Variants in TNIK observed in about 807,000 individuals in gnomAD.
TNIK encodes the protein TRAF2 and NCK-interacting protein kinase.
TNIK carries 49 observed loss-of-function variants against 191.3 expected under a neutral mutation model. The ratio of observed to expected loss-of-function variants is 0.26; its 90% CI spans 0.20 to 0.32. The LOEUF is 0.32. Among genes scored for constraint, TNIK ranks in the 10% least tolerant of loss-of-function variants. The probability of loss-of-function intolerance (pLI) is 1.00; values close to 1 mark genes in which losing one functional copy is unlikely to be tolerated. For missense variants in TNIK, 1,155 were observed against 1,702.3 expected, an observed-to-expected ratio of 0.68 and a Z score of 5.66; for synonymous variants, 594 against 600.9, an observed-to-expected ratio of 0.99 and a Z score of 0.17.
At chr3:171,080,207 TG>T (rs1206358890) in intron 27 of TNIK, among the ~76,000 whole-genome samples, 11 of 152,310 alleles carry the variant, frequency 7.2e-5, no homozygotes, top group African/African-American at 2.4e-4. Flanking sequence ...AATTTCCGTT[TG>T]GTAAAGTGAT....
intron 2 of TNIK, among the ~76,000 whole-genome samples, chr3:171,283,303 A>AACT (rs1433044933): frequency 2.6e-5 from 4 of 151,994 alleles, no homozygotes; most frequent in African/African-American, 9.7e-5. Context: ...ACAAAAATAG[A>AACT]ACTACTCTTT....
At chr3:171,441,039 C>T (rs989700920) in intron 1 of TNIK, among the ~76,000 whole-genome samples, 7 of 152,058 alleles carry the variant, frequency 4.6e-5, no homozygotes, top group African/African-American at 1.2e-4. Context: ...CACGAAAATA[C>T]GTAGAAAGCA....
chr3:171,213,533 G>A (rs1046908525), intron 3 of TNIK, among the ~76,000 whole-genome samples: 2 of 152,034 alleles, frequency 1.3e-5, no homozygotes, highest in Admixed American at 6.6e-5. Context: ...AGGGGAGGGG[G>A]GGACTGCCTA....
chr3:171,082,372 A>T lies in TNIK; in HGVS notation c.3192T>A (p.Thr1064=). The T allele has an allele frequency of 1.9e-6, 3 of 1,613,878 alleles. No individual in the cohort carries two copies. Among genetic ancestry groups the T allele is most frequent in the Non-Finnish European group, 2.5e-6 (3 of 1,179,808 alleles). The change falls in exon 27 of 33, where the codon ACT becomes ACA. Residue 1064 remains threonine, a synonymous_variant. Transcript: ENST00000436636. The part of the protein sequence containing the change: ...ALWGVNLLVG[T]ENGLMLLDRS... ...GGTCCAAAAGCATCAGGCCATTTTCAGTCCCCACCAGAAGGTTTACACCTG... is the reference window on the plus strand; with the variant it reads ...GGTCCAAAAGCATCAGGCCATTTTCTGTCCCCACCAGAAGGTTTACACCTG...
At chr3:171,247,547 G>GGGAC (rs1394487337) in intron 2 of TNIK, among the ~76,000 whole-genome samples, 2 of 152,206 alleles carry the variant, frequency 1.3e-5, no homozygotes, top group Non-Finnish European at 2.9e-5. Context: ...GGGCCGGGTA[G>GGGAC]ACATCCAGAC....
At chr3:171,230,307 T>C (rs1346230139) in intron 2 of TNIK, among the ~76,000 whole-genome samples, 1 of 152,200 alleles carries the variant, frequency 6.6e-6, no homozygotes, top group East Asian at 1.9e-4. Context: ...CAGTGGACTT[T>C]AAAGTAATGG....
At chr3:171,409,533 G>A (rs945489656) in intron 1 of TNIK, among the ~76,000 whole-genome samples, 3 of 151,744 alleles carry the variant, frequency 2.0e-5, no homozygotes, top group Non-Finnish European at 4.4e-5. Context: ...ACACTACAGG[G>A]GTATATGGTC....
chr3:171,323,857 G>A (rs1205117979), intron 2 of TNIK, among the ~76,000 whole-genome samples: 1 of 152,002 alleles, frequency 6.6e-6, no homozygotes, highest in African/African-American at 2.4e-5. Context: ...TGATTAAGAT[G>A]GTATCTCCTT....
intron 2 of TNIK, among the ~76,000 whole-genome samples, chr3:171,310,460 T>C (rs1360032594): frequency 1.7e-4 from 26 of 152,144 alleles, no homozygotes; most frequent in Non-Finnish European, 2.2e-4. Context: ...CCAAATCAAT[T>C]AATGAATGTA....
At chr3:171,414,187 G>A (rs80205067) in intron 1 of TNIK, among the ~76,000 whole-genome samples, 3,063 of 152,198 alleles carry the variant, frequency 0.02, 106 homozygotes, top group African/African-American at 0.069. Flanking sequence ...AGCCAGCATC[G>A]AAACTCAAGA....
At chr3:171,399,306 A>T (rs534773903) in intron 1 of TNIK, among the ~76,000 whole-genome samples, 1 of 152,316 alleles carries the variant, frequency 6.6e-6, no homozygotes, top group Non-Finnish European at 1.5e-5. Context: ...GCTCAAGTAG[A>T]TGCAAACAGG....
intron 2 of TNIK, among the ~76,000 whole-genome samples, chr3:171,342,241 G>T (rs986738411): frequency 6.6e-6 from 1 of 152,180 alleles, no homozygotes; most frequent in South Asian, 2.1e-4. Context: ...AATTCTTCAG[G>T]TCTAAAGTGG....
At chr3:171,416,387 C>T (rs1440226303) in intron 1 of TNIK, among the ~76,000 whole-genome samples, 2 of 151,936 alleles carry the variant, frequency 1.3e-5, no homozygotes, top group African/African-American at 4.8e-5. Context: ...GACAACTGGA[C>T]AGGTCTCTTC....
intron 1 of TNIK, among the ~76,000 whole-genome samples, chr3:171,443,634 T>C (rs1046261243): frequency 6.6e-6 from 1 of 151,194 alleles, no homozygotes; most frequent in South Asian, 2.1e-4. Context: ...CTGGGCAACA[T>C]AGGGAGACCC....
intron 2 of TNIK, among the ~76,000 whole-genome samples, chr3:171,356,707 G>A (rs185617136): frequency 6.9e-4 from 105 of 152,292 alleles, no homozygotes; most frequent in African/African-American, 2.4e-3. Context: ...GACTCGATCA[G>A]GAGTCATGCT....
At chr3:171,387,955 G>A (rs1025272175) in intron 1 of TNIK, among the ~76,000 whole-genome samples, 1 of 146,674 alleles carries the variant, frequency 6.8e-6, no homozygotes, top group South Asian at 2.2e-4. Context: ...TGTACTATCA[G>A]AAAAATATAG....
At chr3:171,272,169 A>G (rs1461036397) in intron 2 of TNIK, among the ~76,000 whole-genome samples, 1 of 152,202 alleles carries the variant, frequency 6.6e-6, no homozygotes, top group Non-Finnish European at 1.5e-5. Context: ...CACATGCATC[A>G]CTTACAGACT....
chr3:171,324,870 G>A (rs1473194992), intron 2 of TNIK, among the ~76,000 whole-genome samples: 3 of 152,064 alleles, frequency 2.0e-5, no homozygotes, highest in Non-Finnish European at 4.4e-5. Flanking sequence ...AGGCCAAGGC[G>A]GGCGGATCAC....
chr3:171,392,967 T>C (rs541229226), intron 1 of TNIK, among the ~76,000 whole-genome samples: 4 of 152,044 alleles, frequency 2.6e-5, no homozygotes, highest in Admixed American at 6.5e-5. Flanking sequence ...TTCTGTCACA[T>C]TTTAAAATAA....
Sources: gnomAD v4.1 joint callset for allele counts (sites outside exome capture counted in the v4.1 genomes callset) on GRCh38, gnomAD v4.1.1 for gene constraint, MANE v1.5 for transcripts, NCBI Gene and HGNC (gene_info 2026-07-23, HGNC 2026-07-21) for gene names.